The following OPRM1 variants were observed in gnomAD, a reference collection of about 807,000 sequenced individuals.
OPRM1 encodes opioid receptor mu 1, also known as mu-type opioid receptor.
Under a neutral mutation model 31.8 loss-of-function variants are expected in OPRM1, and 27 were observed. The observed-to-expected ratio is 0.85, with a 90% CI of 0.63 to 1.17. The LOEUF (loss-of-function observed/expected upper bound fraction) is 1.17, where lower values mean the gene tolerates loss of function less well. Among genes scored for constraint, OPRM1 ranks in the 50% most tolerant of loss-of-function variants. The pLI is 0.00. For synonymous variants in OPRM1, 196 were observed against 189.9 expected (o/e 1.03, Z -0.26); for missense variants, 536 against 511.1 (o/e 1.05, Z -0.47).
chr6:154,065,659 T>G (rs932322295), intron 1 of OPRM1, among the ~76,000 whole-genome samples: 11 of 152,362 alleles, frequency 7.2e-5, no homozygotes, highest in African/African-American at 9.6e-5. Context: ...ACAGTTTTTT[T>G]TGTGTGTGGA....
chr6:154,218,177 T>C (rs1266141836), intron 3 of OPRM1, among the ~76,000 whole-genome samples: 1 of 152,178 alleles, frequency 6.6e-6, no homozygotes, highest in Non-Finnish European at 1.5e-5. Context: ...TAAAAGAAAA[T>C]GACAGATGTT....
At chr6:154,245,190 G>T (rs1175586479) in intron 3 of OPRM1, among the ~76,000 whole-genome samples, 1 of 152,050 alleles carries the variant, frequency 6.6e-6, no homozygotes, top group Non-Finnish European at 1.5e-5. Context: ...AGAAAAGAGA[G>T]AAAAAGGATG....
intron 3 of OPRM1, among the ~76,000 whole-genome samples, chr6:154,198,411 A>G (rs190306823): frequency 6.6e-6 from 1 of 152,182 alleles, no homozygotes; most frequent in Admixed American, 6.5e-5. Context: ...TCACCTCTAG[A>G]AATAGGTTGG....
intron 3 of OPRM1, among the ~76,000 whole-genome samples, chr6:154,094,981 G>C (rs1176949350): frequency 6.6e-6 from 1 of 152,170 alleles, no homozygotes; most frequent in African/African-American, 2.4e-5. Context: ...CCAAGCCAGA[G>C]TCTAGCACAT....
At chr6:154,238,826 G>T (rs986827797) in intron 3 of OPRM1, among the ~76,000 whole-genome samples, 1 of 151,808 alleles carries the variant, frequency 6.6e-6, no homozygotes, top group African/African-American at 2.4e-5. Flanking sequence ...GATTACAGGC[G>T]TGAGCCACCA....
At chr6:154,221,236 T>G (rs1326382732) in intron 3 of OPRM1, 2 of 1,600,872 alleles carry the variant, frequency 1.2e-6, no homozygotes, top group South Asian at 2.2e-5. Flanking sequence ...AGGATGGGGT[T>G]TACCAGTTTC....
chr6:154,092,415 A>T (rs1792472864), intron 3 of OPRM1, among the ~76,000 whole-genome samples: 1 of 152,238 alleles, frequency 6.6e-6, no homozygotes, highest in Non-Finnish European at 1.5e-5. Flanking sequence ...TCCAAAAATC[A>T]CAGCCTGTAT....
intron 1 of OPRM1, among the ~76,000 whole-genome samples, chr6:154,023,762 T>C (rs1313187102): frequency 6.6e-6 from 1 of 152,176 alleles, no homozygotes; most frequent in African/African-American, 2.4e-5. Context: ...TATGAAGGAA[T>C]ATTGAATTTT....
chr6:154,017,884 A>T (rs1778097869), intron 1 of OPRM1, among the ~76,000 whole-genome samples: 1 of 146,514 alleles, frequency 6.8e-6, no homozygotes, highest in Admixed American at 6.8e-5. Context: ...TTTCCTTTTC[A>T]TCTACCCACT....
At chr6:154,102,813 A>G (rs1795028159) in intron 3 of OPRM1, among the ~76,000 whole-genome samples, 1 of 151,554 alleles carries the variant, frequency 6.6e-6, no homozygotes, top group Non-Finnish European at 1.5e-5. Context: ...TTTTAAAGCA[A>G]TGCTTGAGAA....
chr6:154,088,764 A>G (rs1791270589), intron 1 of OPRM1, among the ~76,000 whole-genome samples: 1 of 152,208 alleles, frequency 6.6e-6, no homozygotes, highest in Non-Finnish European at 1.5e-5. Flanking sequence ...CTCATCATGG[A>G]TTGGATAGAG....
At chr6:154,089,104 A>C (rs1233976585) in intron 1 of OPRM1, among the ~76,000 whole-genome samples, 2 of 152,130 alleles carry the variant, frequency 1.3e-5, no homozygotes, top group Non-Finnish European at 2.9e-5. Flanking sequence ...TTGTATGTGC[A>C]TGTGTTTGTG....
chr6:154,109,786 CTCTCTCTGTGTGTGTGTG>C (rs969591713), intron 3 of OPRM1, among the ~76,000 whole-genome samples: 1 of 92,296 alleles, frequency 1.1e-5, no homozygotes, highest in African/African-American at 3.7e-5. Flanking sequence ...CTCTCTCTCT[CTCTCTCTGTGTGTGTGTG>C]TGTGTGTGTG....
chr6:154,184,173 T>C (rs1385378364), intron 3 of OPRM1, among the ~76,000 whole-genome samples: 1 of 151,840 alleles, frequency 6.6e-6, no homozygotes, highest in Non-Finnish European at 1.5e-5. Flanking sequence ...CTTCAAATGT[T>C]GAGTTACACT....
At chr6:154,094,108 G>A (rs1457177415) in intron 3 of OPRM1, 1 of 586,972 alleles carries the variant, frequency 1.7e-6, no homozygotes, top group East Asian at 6.9e-5. Context: ...TATTGGTTGT[G>A]GATGTTTATG....
rs200859747 is a variant in OPRM1 at position 154,100,218 on chromosome 6, C to T, written c.1164+8746C>T. On this transcript the variant is annotated intron_variant, in intron 3 of 3. Transcript: ENST00000330432. ...CATAATATATATTATCATATTATGACATATCGTAATATATATTATCATATT... is the reference window on the plus strand; with the variant it reads ...CATAATATATATTATCATATTATGATATATCGTAATATATATTATCATATT... 3.7e-4 allele frequency among the ~76,000 whole-genome samples: 7 copies of T among 19,136 alleles called. 1 individual carries two copies. Among genetic ancestry groups the T allele is most frequent in the South Asian group, 7.0e-3 (2 of 284 alleles). 12.6% of individuals were successfully genotyped at this position (19,136 alleles called of 152,430 possible). A position where few individuals can be genotyped will look rare whatever the true frequency, so the allele number is the denominator to read the frequency against.
intron 3 of OPRM1, among the ~76,000 whole-genome samples, chr6:154,186,807 C>T (rs1222539179): frequency 6.6e-6 from 1 of 152,084 alleles, no homozygotes; most frequent in Non-Finnish European, 1.5e-5. Flanking sequence ...CCACCTGCCT[C>T]GGCCTCCCAA....
At position 154,190,460 on chromosome 6, in the gene OPRM1, G is replaced by A. The variant is rs541864276; in HGVS notation, c.1165-56233G>A. Among the ~76,000 whole-genome samples, 31 of 152,264 alleles carry A rather than the reference G, an allele frequency of 2.0e-4. 2 individuals carry two copies. The South Asian group carries it at 6.2e-3, about 31-fold the overall frequency. ...GAATTCTAAATTAAAACAATAAAAT[G>A]TTACTACCCACCTACTAGCATGGCG... On this transcript the variant is annotated intron_variant, in intron 3 of 3. Transcript: ENST00000337049.
intron 3 of OPRM1, among the ~76,000 whole-genome samples, chr6:154,150,700 T>A (rs547304226): frequency 6.6e-6 from 1 of 152,338 alleles, no homozygotes; most frequent in South Asian, 2.1e-4. Flanking sequence ...CCATTCCAAG[T>A]CTCAAAGCCT....
Sources: gnomAD v4.1 joint callset for allele counts (sites outside exome capture counted in the v4.1 genomes callset) on GRCh38, gnomAD v4.1.1 for gene constraint, MANE v1.5 for transcripts, NCBI Gene and HGNC (gene_info 2026-07-23, HGNC 2026-07-21) for gene names.